SVIL: variants seen among roughly 807,000 people sequenced by gnomAD.
The protein encoded by SVIL is archvillin.
Under a neutral mutation model 240.4 loss-of-function variants are expected in SVIL, and 101 were observed. That is an observed-to-expected ratio of 0.42 (90% confidence interval 0.36 to 0.50). SVIL has a LOEUF of 0.50. SVIL is among the 20% of genes least tolerant of loss of function. The pLI, the probability that SVIL is intolerant of heterozygous loss-of-function variation, is 0.01. For missense variants in SVIL, 2,512 were observed against 2,818.7 expected, an observed-to-expected ratio of 0.89 and a Z score of 2.46; for synonymous variants, 999 against 1,100.0, an observed-to-expected ratio of 0.91 and a Z score of 1.82.
rs576338484 is a variant in SVIL, at chr10:29,587,400, G to A, written c.-200-18088C>T. Among the ~76,000 whole-genome samples, 258 of 152,340 alleles carry A rather than the reference G, an allele frequency of 1.7e-3. 1 individual carries two copies. Among genetic ancestry groups the A allele is most frequent in the Middle Eastern group, 3.4e-3 (1 of 294 alleles). On this transcript the variant is annotated intron_variant, in intron 1 of 37. Transcript: ENST00000355867. ...TAATAAGGCAATCTGCAGGTTGACG[G>A]GTGGCTTACAGGTCACCACTGCACA...
intron 1 of SVIL, among the ~76,000 whole-genome samples, chr10:29,693,061 C>T (rs1961635293): frequency 6.6e-6 from 1 of 152,128 alleles, no homozygotes; most frequent in Non-Finnish European, 1.5e-5. Context: ...CAACCTCAGG[C>T]ATAAATGGGT....
chr10:29,625,765 A>G (rs1159623992), intron 1 of SVIL, among the ~76,000 whole-genome samples: 1 of 152,108 alleles, frequency 6.6e-6, no homozygotes, highest in African/African-American at 2.4e-5. Context: ...CCCAGCCTCA[A>G]ACATATATTT....
chr10:29,688,567 G>A (rs970624555), intron 1 of SVIL, among the ~76,000 whole-genome samples: 3 of 152,180 alleles, frequency 2.0e-5, no homozygotes, highest in African/African-American at 7.2e-5. Context: ...CTTTGCCTTA[G>A]TTTGTTTCTT....
intron 6 of SVIL, among the ~76,000 whole-genome samples, chr10:29,548,894 G>A (rs781411746): frequency 1.3e-5 from 2 of 152,218 alleles, no homozygotes; most frequent in Non-Finnish European, 2.9e-5. Context: ...AGGAGTCCAT[G>A]AAAGTGTCCC....
intron 1 of SVIL, among the ~76,000 whole-genome samples, chr10:29,700,659 A>G (rs146601383): frequency 0.015 from 2,334 of 151,826 alleles, 46 homozygotes; most frequent in East Asian, 0.098. Context: ...TTTAGTAGAG[A>G]CGGGGTTTCA....
intron 3 of SVIL, among the ~76,000 whole-genome samples, chr10:29,651,285 A>T (rs1346823667): frequency 6.6e-6 from 1 of 152,148 alleles, no homozygotes; most frequent in African/African-American, 2.4e-5. Flanking sequence ...TCCAAGAGCA[A>T]TTTTTCATCA....
chr10:29,675,143 G>T (rs951970049), intron 2 of SVIL, among the ~76,000 whole-genome samples: 49 of 152,156 alleles, frequency 3.2e-4, no homozygotes, highest in Non-Finnish European at 1.2e-4. Context: ...AGAGCAATCA[G>T]GCCAATGAGC....
chr10:29,470,526 G>C (rs371016901), intron 31 of SVIL, 43 bp from the exon 32 acceptor site: 3 of 1,608,900 alleles, frequency 1.9e-6, no homozygotes, highest in South Asian at 1.1e-5. Context: ...GCACGTGAGC[G>C]AGTGGCAGCA....
At chr10:29,712,845 T>C (rs1378596569) in intron 1 of SVIL, among the ~76,000 whole-genome samples, 1 of 152,056 alleles carries the variant, frequency 6.6e-6, no homozygotes, top group Non-Finnish European at 1.5e-5. Flanking sequence ...AGGTAGGAAA[T>C]AAATGCAACA....
chr10:29,535,131 C>T (rs1222156102), intron 7 of SVIL, among the ~76,000 whole-genome samples: 3 of 151,992 alleles, frequency 2.0e-5, no homozygotes, highest in Non-Finnish European at 4.4e-5. Context: ...TTTTTTTTAA[C>T]GTACGAGGCA....
intron 6 of SVIL, among the ~76,000 whole-genome samples, chr10:29,542,978 T>C (rs1305327346): frequency 6.6e-6 from 1 of 152,184 alleles, no homozygotes; most frequent in Non-Finnish European, 1.5e-5. Flanking sequence ...TCCAGCTCTG[T>C]CTCTGGGAAA....
At chr10:29,666,365 A>G (rs1959293772) in intron 2 of SVIL, among the ~76,000 whole-genome samples, 2 of 152,218 alleles carry the variant, frequency 1.3e-5, no homozygotes, top group Non-Finnish European at 2.9e-5. Flanking sequence ...ATAACCATAG[A>G]GATTTGCATC....
chr10:29,512,664 C>T (rs1247622897), intron 17 of SVIL, 71 bp downstream of exon 17: 13 of 1,611,510 alleles, frequency 8.1e-6, no homozygotes, highest in African/African-American at 6.7e-5. Flanking sequence ...AGGTGGCACA[C>T]GCTTGTCTTT....
At chr10:29,576,979 C>T (rs747454006) in intron 1 of SVIL, among the ~76,000 whole-genome samples, 7 of 152,172 alleles carry the variant, frequency 4.6e-5, no homozygotes, top group Non-Finnish European at 1.0e-4. Context: ...CTCCTGGATT[C>T]AAGCGATTCC....
At chr10:29,614,974 G>A (rs1473992896) in intron 1 of SVIL, among the ~76,000 whole-genome samples, 2 of 152,094 alleles carry the variant, frequency 1.3e-5, no homozygotes, top group Admixed American at 1.3e-4. Flanking sequence ...TATGTGATAT[G>A]TACTACTATC....
At chr10:29,579,771 G>A (rs533602164) in intron 1 of SVIL, among the ~76,000 whole-genome samples, 142 of 152,198 alleles carry the variant, frequency 9.3e-4, no homozygotes, top group Non-Finnish European at 1.7e-3. Flanking sequence ...TCCTGGGGGA[G>A]AAAACGAGGG....
chr10:29,722,036 G>A (rs575423130), intron 1 of SVIL, among the ~76,000 whole-genome samples: 93 of 152,134 alleles, frequency 6.1e-4, no homozygotes, highest in African/African-American at 1.9e-3. Flanking sequence ...TCAGGAGTTC[G>A]AGACCAGCTT....
chr10:29,513,260 T>G (rs767829080), intron 16 of SVIL, among the ~76,000 whole-genome samples: 2 of 152,206 alleles, frequency 1.3e-5, no homozygotes, highest in African/African-American at 2.4e-5. Flanking sequence ...CAGAAAATGA[T>G]GCAGACATGG....
chr10:29,684,723 G>A (rs570755617), intron 2 of SVIL, among the ~76,000 whole-genome samples: 24 of 152,200 alleles, frequency 1.6e-4, no homozygotes, highest in African/African-American at 4.1e-4. Context: ...GAAAAGACCT[G>A]GAAAGGGAAA....
Sources: allele counts gnomAD v4.1 joint callset (sites outside exome capture counted in the v4.1 genomes callset), GRCh38; gene constraint gnomAD v4.1.1; transcripts MANE v1.5; gene names NCBI Gene and HGNC (gene_info 2026-07-23, HGNC 2026-07-21).